PPM1L: variants seen among roughly 807,000 people sequenced by gnomAD.
PPM1L encodes protein phosphatase 1L.
In PPM1L, 13 loss-of-function variants were observed where a neutral mutation model predicts 31.4. The ratio of observed to expected loss-of-function variants is 0.41; its 90% CI spans 0.27 to 0.66. The LOEUF is 0.66. Ranked by LOEUF, PPM1L falls within the 30% of genes least tolerant of loss-of-function variation. PPM1L has a pLI of 0.29. For missense variants in PPM1L, 326 were observed against 453.7 expected (o/e 0.72, Z 2.56); for synonymous variants, 184 against 175.4 (o/e 1.05, Z -0.39).
At chr3:160,787,543 GT>G (rs1465379197) in intron 1 of PPM1L, among the ~76,000 whole-genome samples, 1 of 152,084 alleles carries the variant, frequency 6.6e-6, no homozygotes, top group African/African-American at 2.4e-5. Flanking sequence ...CATCCCATAG[GT>G]TGTCTGTTTG....
intron 1 of PPM1L, among the ~76,000 whole-genome samples, chr3:160,920,615 T>TCTCTCTCTCTCTCTCTCTCA (rs1389629070): frequency 3.5e-5 from 1 of 28,662 alleles, no homozygotes; most frequent in African/African-American, 1.0e-4. Flanking sequence ...TCTCTCTCTC[T>TCTCTCTCTCTCTCTCTCTCA]CACACACACA....
At chr3:160,940,969 G>T (rs891800811) in intron 1 of PPM1L, among the ~76,000 whole-genome samples, 2 of 152,174 alleles carry the variant, frequency 1.3e-5, no homozygotes, top group African/African-American at 4.8e-5. Context: ...AACCACAGGG[G>T]TGGAGCTGCC....
chr3:160,756,410 T>C lies in PPM1L; in HGVS notation c.102T>C (p.Ala34=), dbSNP rs746467275. The C allele has an allele frequency of 8.7e-6, 14 of 1,614,128 alleles. No individual in the cohort carries two copies. The highest frequency in any genetic ancestry group is 8.5e-6 in the Non-Finnish European group (10 of 1,180,016). Residue 34 remains alanine, a synonymous_variant, in exon 1 of 4, where the codon GCT becomes GCC. Coordinates refer to ENST00000498165, the MANE Select transcript of PPM1L (RefSeq NM_139245.4). This position sits in a 1 kb window ranked among gnomAD's most constrained non-coding sequence, Gnocchi z 6.2. ...ETLFLLCISL[A]LWSYFFHTDE... ...TTTTCCTGCTGTGCATCAGCTTGGC[T>C]CTATGGAGTTACTTCTTCCACACCG...
intron 2 of PPM1L, among the ~76,000 whole-genome samples, chr3:161,007,019 C>A (rs1717734082): frequency 1.3e-5 from 2 of 152,142 alleles, no homozygotes; most frequent in Admixed American, 1.3e-4. Flanking sequence ...GGAGAATGTG[C>A]CACTTGTAAT....
chr3:160,969,106 C>G (rs531994540), intron 2 of PPM1L, among the ~76,000 whole-genome samples: 1 of 152,184 alleles, frequency 6.6e-6, no homozygotes, highest in Non-Finnish European at 1.5e-5. Flanking sequence ...AAGTGTCAGG[C>G]AGTCACATAC....
intron 2 of PPM1L, among the ~76,000 whole-genome samples, chr3:161,012,054 G>A (rs1376956583): frequency 1.3e-5 from 2 of 152,158 alleles, no homozygotes; most frequent in African/African-American, 4.8e-5. Context: ...CCAACACTAT[G>A]TTGAATAGGA....
intron 1 of PPM1L, among the ~76,000 whole-genome samples, chr3:160,906,703 A>G (rs540021098): frequency 9.8e-5 from 15 of 152,322 alleles, no homozygotes; most frequent in East Asian, 1.9e-4. Context: ...GATGGTGGCT[A>G]TGGCTGAATG....
At chr3:160,832,952 T>G (rs1214987282) in intron 1 of PPM1L, among the ~76,000 whole-genome samples, 1 of 151,992 alleles carries the variant, frequency 6.6e-6, no homozygotes, top group Non-Finnish European at 1.5e-5. Flanking sequence ...CCAGTGTGTG[T>G]TGTTCCCCTC....
rs1208313064 is a variant in PPM1L, at chr3:161,076,586, A to T, written c.*7429A>T. 6.6e-6 allele frequency: 1 copy of T among 152,180 alleles called. No homozygotes were observed. The highest frequency in any genetic ancestry group is 1.9e-4 in the East Asian group (1 of 5,200). 9.4% of individuals were successfully genotyped at this position (152,180 alleles called of 1,614,324 possible). ...AATATTGTCTTTCAGTTTACTCTTC[A>T]ATTACTAAAGCAAATGATTTTGATT... On this transcript the variant is annotated 3_prime_UTR_variant, in exon 4 of 4. Transcript: ENST00000498165.
intron 2 of PPM1L, among the ~76,000 whole-genome samples, chr3:160,991,641 C>T (rs1717137659): frequency 6.6e-6 from 1 of 152,104 alleles, no homozygotes; most frequent in African/African-American, 2.4e-5. Flanking sequence ...ATAAGTCATA[C>T]TTATTTTCTG....
chr3:160,875,015 C>A (rs187721107), intron 1 of PPM1L, among the ~76,000 whole-genome samples: 1 of 152,252 alleles, frequency 6.6e-6, no homozygotes, highest in Admixed American at 6.5e-5. Context: ...AACTCTGAGC[C>A]CTTCTCCAAA....
intron 1 of PPM1L, among the ~76,000 whole-genome samples, chr3:160,878,005 C>G (rs760344302): frequency 6.6e-6 from 1 of 152,190 alleles, no homozygotes; most frequent in Non-Finnish European, 1.5e-5. Flanking sequence ...ACAGGCTGCT[C>G]TTTGTTAGAG....
chr3:160,838,860 T>A (rs1028717018), intron 1 of PPM1L, among the ~76,000 whole-genome samples: 1 of 152,210 alleles, frequency 6.6e-6, no homozygotes, highest in Non-Finnish European at 1.5e-5. Context: ...GGACTTATGC[T>A]ATGGCTTGAA....
intron 2 of PPM1L, among the ~76,000 whole-genome samples, chr3:160,978,859 G>C (rs1022346756): frequency 2.0e-5 from 3 of 151,616 alleles, no homozygotes; most frequent in Non-Finnish European, 2.9e-5. Flanking sequence ...GAGAGAAAGA[G>C]AGAGAGAAAG....
intron 1 of PPM1L, among the ~76,000 whole-genome samples, chr3:160,772,227 A>T (rs890003202): frequency 3.3e-5 from 5 of 152,232 alleles, no homozygotes; most frequent in African/African-American, 9.6e-5. Context: ...GATCTGATTC[A>T]TGAAACTACA....
intron 1 of PPM1L, among the ~76,000 whole-genome samples, chr3:160,924,695 A>T (rs543461319): frequency 2.6e-5 from 4 of 152,352 alleles, no homozygotes; most frequent in African/African-American, 9.6e-5. Context: ...TGCCTTCCTC[A>T]ATCTCAATGT....
intron 3 of PPM1L, 133 bp from the exon 4 acceptor site, chr3:161,068,678 G>A (rs1340571125): frequency 1.5e-6 from 1 of 677,050 alleles, no homozygotes; most frequent in African/African-American, 1.8e-5. Context: ...GGTCCCAGGA[G>A]TGATGGGGTT....
intron 1 of PPM1L, among the ~76,000 whole-genome samples, chr3:160,957,913 G>A (rs961416975): frequency 2.6e-5 from 4 of 152,140 alleles, no homozygotes; most frequent in Non-Finnish European, 5.9e-5. Context: ...CTAATGATCA[G>A]TGATGTTGAG....
intron 1 of PPM1L, among the ~76,000 whole-genome samples, chr3:160,957,931 TCATGATTGTTGGCTG>T (rs1715834193): frequency 6.6e-6 from 1 of 152,220 alleles, no homozygotes. Flanking sequence ...GAGCTTTTTT[TCATGATTGTTGGCTG>T]CATGTATGTG....
Sources: gnomAD v4.1 joint callset for allele counts (sites outside exome capture counted in the v4.1 genomes callset) on GRCh38, gnomAD v4.1.1 for gene constraint, Gnocchi (gnomAD v3.1) non-coding constraint, MANE v1.5 for transcripts, NCBI Gene and HGNC (gene_info 2026-07-23, HGNC 2026-07-21) for gene names.